Variants in RASA1 observed in about 807,000 individuals in gnomAD.
The protein encoded by RASA1 is ras GTPase-activating protein 1.
In RASA1, 25 loss-of-function variants were observed where a neutral mutation model predicts 132.2. The observed-to-expected ratio is 0.19, with a 90% CI of 0.14 to 0.26. The LOEUF is 0.26. Among genes scored for constraint, RASA1 ranks in the 10% least tolerant of loss-of-function variants. The pLI is 1.00. For missense variants in RASA1, 964 were observed against 1,299.2 expected (o/e 0.74, Z 3.97); for synonymous variants, 477 against 449.9 (o/e 1.06, Z -0.76).
In RASA1 at chr5:87,337,960, A is replaced by G. The variant is rs1212700036; in HGVS notation, c.900-14A>G. On this transcript the variant is annotated splice_polypyrimidine_tract_variant and intron_variant, in intron 4 of 24. Transcript: ENST00000274376. Reference sequence around the variant, plus strand: ...AATTTTTAAATTTAATAACTTTAAAATTGCTATTTTCAGTTTCTTAAAAGG... The same window carrying G: ...AATTTTTAAATTTAATAACTTTAAAGTTGCTATTTTCAGTTTCTTAAAAGG... 3 of 1,600,622 alleles carry G rather than the reference A, an allele frequency of 1.9e-6. No individual in the cohort carries two copies. Among genetic ancestry groups the G allele is most frequent in the African/African-American group, 1.3e-5 (1 of 74,400 alleles).
intron 1 of RASA1, among the ~76,000 whole-genome samples, chr5:87,304,741 T>C (rs1755530816): frequency 6.6e-6 from 1 of 152,204 alleles, no homozygotes; most frequent in Non-Finnish European, 1.5e-5. Context: ...GTGCTGGGAT[T>C]GTAGGCATTA....
chr5:87,349,129 T>C, intron 7 of RASA1, 85 bp from the exon 8 acceptor site: 3 of 1,477,616 alleles, frequency 2.0e-6, no homozygotes. Flanking sequence ...TTTATGACTT[T>C]GAATGCACTT....
chr5:87,277,785 G>A (rs1003040844), intron 1 of RASA1, among the ~76,000 whole-genome samples: 35 of 152,000 alleles, frequency 2.3e-4, no homozygotes, highest in African/African-American at 8.0e-4. Context: ...TTCACTGTGG[G>A]AGAGAAAATC....
chr5:87,278,313 G>T (rs920011122), intron 1 of RASA1, among the ~76,000 whole-genome samples: 3 of 151,844 alleles, frequency 2.0e-5, no homozygotes, highest in African/African-American at 7.3e-5. Flanking sequence ...TTGGGAGGCC[G>T]AGGTGGGTGG....
intron 11 of RASA1, among the ~76,000 whole-genome samples, chr5:87,366,874 A>AT (rs1760563503): frequency 6.6e-6 from 1 of 152,126 alleles, no homozygotes; most frequent in Non-Finnish European, 1.5e-5. Context: ...TCTTTAAAAA[A>AT]TTAAAAAATT....
chr5:87,367,801 A>G (rs555857710), intron 11 of RASA1, among the ~76,000 whole-genome samples: 1 of 152,082 alleles, frequency 6.6e-6, no homozygotes, highest in Non-Finnish European at 1.5e-5. Flanking sequence ...CATTTTAAAG[A>G]TGGTTTTCTG....
chr5:87,271,285 A>G (rs1161326376), intron 1 of RASA1, among the ~76,000 whole-genome samples: 2 of 152,166 alleles, frequency 1.3e-5, no homozygotes, highest in African/African-American at 4.8e-5. Flanking sequence ...ACTGCTTTTG[A>G]AAAAAATAGT....
chr5:87,321,144 G>A (rs1013761556), intron 1 of RASA1, among the ~76,000 whole-genome samples: 1 of 152,126 alleles, frequency 6.6e-6, no homozygotes, highest in Non-Finnish European at 1.5e-5. Context: ...TGGAAAACGA[G>A]AATAATTTCA....
At chr5:87,351,391 GA>G (rs1759264086) in intron 8 of RASA1, among the ~76,000 whole-genome samples, 1 of 151,690 alleles carries the variant, frequency 6.6e-6, no homozygotes, top group African/African-American at 2.4e-5. Flanking sequence ...AAATGCATGG[GA>G]ATCAATAAAT....
Position 87,389,438 on chromosome 5 carries a change from C to T in RASA1, c.2971C>T (p.Leu991=), listed in dbSNP as rs144692925. 2.5e-6 allele frequency: 4 copies of T among 1,614,166 alleles called. No homozygotes were observed. Among genetic ancestry groups the T allele is most frequent in the Non-Finnish European group, 3.4e-6 (4 of 1,179,980 alleles). The stretch of plus-strand genomic sequence containing the variant: ...CACTACAGAGCATTCTAGAACGGAC[C>T]TGTCCCGTGATTTAGCAGCATTGCA... The part of the protein sequence containing the change: ...PDTTEHSRTD[L]SRDLAALHEI... Residue 991 remains leucine, a synonymous_variant, in exon 24 of 25, where the codon CTG becomes TTG. Transcript: ENST00000274376.
intron 6 of RASA1, among the ~76,000 whole-genome samples, chr5:87,343,150 C>A (rs1758602662): frequency 6.6e-6 from 1 of 152,106 alleles, no homozygotes. Flanking sequence ...CTACAAGTAA[C>A]CTTTGAGATT....
At chr5:87,284,343 TAGAC>T (rs1331804374) in intron 1 of RASA1, among the ~76,000 whole-genome samples, 4 of 152,208 alleles carry the variant, frequency 2.6e-5, no homozygotes, top group African/African-American at 4.8e-5. Flanking sequence ...TCTCTCTATA[TAGAC>T]AGACAGGTAG....
intron 1 of RASA1, among the ~76,000 whole-genome samples, chr5:87,287,277 A>G (rs1754651126): frequency 6.8e-6 from 1 of 148,040 alleles, no homozygotes; most frequent in South Asian, 2.1e-4. Context: ...CACCGTATAT[A>G]TACACACCAT....
intron 9 of RASA1, among the ~76,000 whole-genome samples, chr5:87,357,046 G>A (rs1759703804): frequency 6.6e-6 from 1 of 152,040 alleles, no homozygotes; most frequent in African/African-American, 2.4e-5. Context: ...CTTTACCCTT[G>A]CCTGTATTGT....
chr5:87,391,575 T>G lies in RASA1; in HGVS notation c.*692T>G, dbSNP rs1241052568. 4.2e-6 allele frequency: 1 copy of G among 235,602 alleles called. No individual in the cohort carries two copies. Among genetic ancestry groups the G allele is most frequent in the Admixed American group, 5.4e-5 (1 of 18,360 alleles). The allele number at this position is 235,602 out of a possible 1,614,324, so 14.6% of individuals were successfully genotyped here. ...GACTGTATTTAGATCTCATAATGCT[T>G]TGTTAAATGTTTACAAGTAAATAGT... is the stretch of plus-strand genomic sequence containing the variant. On this transcript the variant is annotated 3_prime_UTR_variant, in exon 25 of 25. Transcript: ENST00000274376.
chr5:87,312,422 T>A lies in RASA1; in HGVS notation c.540-18926T>A, dbSNP rs1755991922. Among the ~76,000 whole-genome samples, 4 of 152,366 alleles carry A rather than the reference T, an allele frequency of 2.6e-5. No individual in the cohort carries two copies. The South Asian group carries it at 8.3e-4, about 32-fold the overall frequency. ...AGAATATGTTATCTGTATTAACAGT[T>A]ACTCCATTATGTGTAATTTTTAAAT... On this transcript the variant is annotated intron_variant, in intron 1 of 24. Transcript: ENST00000274376.
intron 5 of RASA1, among the ~76,000 whole-genome samples, chr5:87,341,081 C>G (rs909923823): frequency 1.3e-5 from 2 of 150,700 alleles, no homozygotes; most frequent in African/African-American, 4.9e-5. Context: ...TAAGAAAAGT[C>G]GATAAGAGGG....
At chr5:87,374,806 AT>A in intron 14 of RASA1, 33 bp from the exon 15 acceptor site, 3 of 1,606,334 alleles carry the variant, frequency 1.9e-6, no homozygotes, top group Middle Eastern at 1.7e-4. Flanking sequence ...ATGCCAAAAC[AT>A]TTTGTTAATT....
At chr5:87,320,531 C>T (rs1375608341) in intron 1 of RASA1, among the ~76,000 whole-genome samples, 1 of 152,180 alleles carries the variant, frequency 6.6e-6, no homozygotes, top group Non-Finnish European at 1.5e-5. Context: ...AACATCTTCA[C>T]ATGGTGACAG....
Sources: allele counts gnomAD v4.1 joint callset (sites outside exome capture counted in the v4.1 genomes callset), GRCh38; gene constraint gnomAD v4.1.1; transcripts MANE v1.5; gene names NCBI Gene and HGNC (gene_info 2026-07-23, HGNC 2026-07-21).